Variants in TMCO4 observed in about 807,000 individuals in gnomAD.
The protein encoded by TMCO4 is transmembrane and coiled-coil domains 4, also known as transmembrane and coiled-coil domain-containing protein 4.
A neutral mutation model predicts 64.7 loss-of-function variants in TMCO4; 58 were observed. The observed-to-expected ratio is 0.90, with a 90% CI of 0.73 to 1.12. TMCO4 has a LOEUF of 1.12. Among genes scored for constraint, TMCO4 ranks in the 50% most tolerant of loss-of-function variants. The pLI is 0.00. For missense variants in TMCO4, 780 were observed against 825.9 expected, an observed-to-expected ratio of 0.94 and a Z score of 0.68; for synonymous variants, 325 against 346.1, an observed-to-expected ratio of 0.94 and a Z score of 0.68.
intron 13 of TMCO4, among the ~76,000 whole-genome samples, chr1:19,711,719 G>A (rs552698553): frequency 7.2e-5 from 11 of 151,856 alleles, no homozygotes; most frequent in Admixed American, 2.0e-4. Context: ...TTGCAATGGC[G>A]TGATCTCAGC....
chr1:19,724,862 A>C (rs1022237601), intron 13 of TMCO4, among the ~76,000 whole-genome samples: 1 of 152,128 alleles, frequency 6.6e-6, no homozygotes. Context: ...CCCAGGTTCA[A>C]GCAATTCTCC....
At chr1:19,715,709 G>A (rs1317926405) in intron 13 of TMCO4, among the ~76,000 whole-genome samples, 1 of 152,220 alleles carries the variant, frequency 6.6e-6, no homozygotes, top group Non-Finnish European at 1.5e-5. Flanking sequence ...TGGGATTGGA[G>A]GAGGGATGGC....
chr1:19,770,821 A>C (rs1283766521), intron 5 of TMCO4, among the ~76,000 whole-genome samples: 2 of 152,222 alleles, frequency 1.3e-5, no homozygotes, highest in African/African-American at 4.8e-5. Context: ...TCTGCGTCAC[A>C]AGCTTCTATC....
At chr1:19,752,241 C>T (rs184150393) in intron 7 of TMCO4, among the ~76,000 whole-genome samples, 9 of 152,144 alleles carry the variant, frequency 5.9e-5, no homozygotes, top group Admixed American at 2.0e-4. Context: ...ACTCAGAGAA[C>T]AACACTAAAT....
chr1:19,727,023 C>T (rs778368198), intron 13 of TMCO4, among the ~76,000 whole-genome samples: 69 of 152,192 alleles, frequency 4.5e-4, no homozygotes, highest in Non-Finnish European at 8.7e-4. Context: ...AGACGCCTTA[C>T]AGATCTCTAG....
At chr1:19,755,045 T>C (rs1262939599) in intron 7 of TMCO4, among the ~76,000 whole-genome samples, 2 of 152,176 alleles carry the variant, frequency 1.3e-5, no homozygotes, top group Non-Finnish European at 2.9e-5. Context: ...CATAAGAGCC[T>C]GAGGTGGAAC....
At position 19,747,230 on chromosome 1, in the gene TMCO4, T is replaced by C. The variant is rs778485240; in HGVS notation, c.546A>G (p.Glu182=). 1.9e-6 allele frequency: 3 copies of C among 1,613,974 alleles called. No homozygotes were observed. The South Asian group carries it at 3.3e-5, about 18-fold the overall frequency. ...GATAACGCTTCCATTTCCTCCGGTTTTCTTTCTTCTTTCGGGATGCCTCGG... is the reference window on the plus strand; with the variant it reads ...GATAACGCTTCCATTTCCTCCGGTTCTCTTTCTTCTTTCGGGATGCCTCGG... ...EMAEASRKKK[E]NRRKWKRYLL... The change falls in exon 8 of 16, where the codon GAA becomes GAG. Residue 182 remains glutamate (E), a synonymous_variant. Coordinates refer to ENST00000294543, the MANE Select transcript of TMCO4 (RefSeq NM_181719.7).
intron 13 of TMCO4, among the ~76,000 whole-genome samples, chr1:19,720,403 G>T (rs2095376923): frequency 6.6e-6 from 1 of 152,138 alleles, no homozygotes; most frequent in Non-Finnish European, 1.5e-5. Flanking sequence ...GGGTCTGTTT[G>T]CTCAGCTGGT....
chr1:19,704,469 G>A (rs930092585), intron 13 of TMCO4, among the ~76,000 whole-genome samples: 1 of 152,242 alleles, frequency 6.6e-6, no homozygotes, highest in African/African-American at 2.4e-5. Context: ...CAGACTGCAC[G>A]CAGAGCTGCT....
chr1:19,779,251 C>A (rs1463670880), intron 4 of TMCO4, among the ~76,000 whole-genome samples: 1 of 152,146 alleles, frequency 6.6e-6, no homozygotes, highest in Non-Finnish European at 1.5e-5. Context: ...CTCTCTTCCC[C>A]CTCTGAACCT....
chr1:19,794,885 A>G (rs1232721212), intron 2 of TMCO4, among the ~76,000 whole-genome samples: 1 of 152,248 alleles, frequency 6.6e-6, no homozygotes, highest in Non-Finnish European at 1.5e-5. Context: ...TAAGCCAGTC[A>G]CAAAAAGATA....
At chr1:19,749,356 G>C (rs1167898186) in intron 7 of TMCO4, among the ~76,000 whole-genome samples, 10 of 151,980 alleles carry the variant, frequency 6.6e-5, no homozygotes. Flanking sequence ...ACTTCTGGCA[G>C]AATCTTTTTT....
chr1:19,720,722 C>G (rs545992306), intron 13 of TMCO4, among the ~76,000 whole-genome samples: 1 of 152,188 alleles, frequency 6.6e-6, no homozygotes, highest in African/African-American at 2.4e-5. Flanking sequence ...AGTAGAGACC[C>G]GAAAGGTCAG....
intron 13 of TMCO4, among the ~76,000 whole-genome samples, chr1:19,727,592 A>G (rs899339639): frequency 2.6e-5 from 4 of 152,238 alleles, no homozygotes; most frequent in Non-Finnish European, 4.4e-5. Context: ...AAGGTCTCAT[A>G]TGGTATATTG....
chr1:19,683,806 A>G (rs894470304), intron 15 of TMCO4, among the ~76,000 whole-genome samples: 19 of 112,046 alleles, frequency 1.7e-4, no homozygotes, highest in Admixed American at 2.8e-4. Context: ...GCTCTTGCCC[A>G]GGCTGGAGTG....
At chr1:19,793,644 T>G (rs1401286823) in intron 2 of TMCO4, among the ~76,000 whole-genome samples, 2 of 152,114 alleles carry the variant, frequency 1.3e-5, no homozygotes, top group African/African-American at 4.8e-5. Context: ...TTTTGGATAA[T>G]CACACTGCAG....
intron 15 of TMCO4, among the ~76,000 whole-genome samples, chr1:19,686,410 GAC>G (rs1172476163): frequency 6.6e-6 from 1 of 152,188 alleles, no homozygotes; most frequent in Non-Finnish European, 1.5e-5. Flanking sequence ...ACAGCACAAA[GAC>G]ACTGCTGGTA....
At position 19,687,588 on chromosome 1, in the gene TMCO4, C is replaced by T. The variant is rs72965344; in HGVS notation, c.1501-4144G>A. Reference sequence around the variant, plus strand: ...TTAGCTGGGCTGATCCATTTGGGAGCCCAAGATGGCTGCTCAAGCTCCAGC... The same window carrying T: ...TTAGCTGGGCTGATCCATTTGGGAGTCCAAGATGGCTGCTCAAGCTCCAGC... On this transcript the variant is annotated intron_variant, in intron 15 of 15. Coordinates refer to ENST00000294543, the MANE Select transcript of TMCO4 (RefSeq NM_181719.7). Among the ~76,000 whole-genome samples the T allele has an allele frequency of 7.8e-3, 1,181 of 152,234 alleles. 12 individuals are homozygous for T. The highest frequency in any genetic ancestry group is 0.027 in the African/African-American group (1,128 of 41,502).
chr1:19,739,181 C>T (rs1432164913), intron 12 of TMCO4, among the ~76,000 whole-genome samples: 2 of 152,226 alleles, frequency 1.3e-5, no homozygotes, highest in African/African-American at 4.8e-5. Context: ...TACTGCTTCT[C>T]AAGCTTTTGT....
Sources: gnomAD v4.1 joint callset for allele counts (sites outside exome capture counted in the v4.1 genomes callset) on GRCh38, gnomAD v4.1.1 for gene constraint, MANE v1.5 for transcripts, NCBI Gene and HGNC (gene_info 2026-07-23, HGNC 2026-07-21) for gene names.